The following ABCA13 variants were observed in gnomAD, a reference collection of about 807,000 sequenced individuals.
The protein encoded by ABCA13 is ATP-binding cassette sub-family A member 13.
Under a neutral mutation model 478.7 loss-of-function variants are expected in ABCA13, and 476 were observed. The observed-to-expected ratio is 0.99, with a 90% CI of 0.92 to 1.07. ABCA13 has a LOEUF of 1.07. Ranked by LOEUF, ABCA13 falls within the 50% of genes least tolerant of loss-of-function variation. The pLI is 0.00. For missense variants in ABCA13, 6,060 were observed against 5,910.6 expected, an observed-to-expected ratio of 1.03 and a Z score of -0.83; for synonymous variants, 2,252 against 2,158.9, an observed-to-expected ratio of 1.04 and a Z score of -1.20.
intron 8 of ABCA13, among the ~76,000 whole-genome samples, chr7:48,237,076 G>A (rs1220518269): frequency 3.5e-5 from 5 of 142,648 alleles, no homozygotes; most frequent in African/African-American, 8.0e-5. Context: ...GAGTTTCGCC[G>A]ATTGGTTGGG....
intron 57 of ABCA13, among the ~76,000 whole-genome samples, chr7:48,589,066 T>A (rs1789480881): frequency 6.6e-6 from 1 of 152,236 alleles, no homozygotes; most frequent in Non-Finnish European, 1.5e-5. Context: ...TATGGAAGTT[T>A]ATGAACCTAA....
rs773139209 is a variant in ABCA13 at position 48,274,964 on chromosome 7, T to A, written c.5298T>A (p.Thr1766=). The A allele has an allele frequency of 1.2e-6, 2 of 1,613,744 alleles. No individual in the cohort carries two copies. The highest frequency in any genetic ancestry group is 2.2e-5 in the South Asian group (2 of 91,084). Reference sequence around the variant, plus strand: ...AGGGAGTACCTGGTAAAAACATCACTGAAGGCCTCAAGGATGTCTACAGCT... The same window carrying A: ...AGGGAGTACCTGGTAAAAACATCACAGAAGGCCTCAAGGATGTCTACAGCT... ...LLQGVPGKNI[T]EGLKDVYSFT... The change falls in exon 17 of 62, where the codon ACT becomes ACA. Residue 1766 remains threonine (T), a synonymous_variant. Coordinates refer to ENST00000435803, the MANE Select transcript of ABCA13 (RefSeq NM_152701.5).
chr7:48,248,634 G>C (rs1406841666), intron 14 of ABCA13, among the ~76,000 whole-genome samples, 190 bp downstream of exon 14: 1 of 152,190 alleles, frequency 6.6e-6, no homozygotes, highest in African/African-American at 2.4e-5. Flanking sequence ...ATATGAAAGA[G>C]TTCCCTTAAT....
In ABCA13 at chr7:48,438,301, TTTTG is replaced by T. The variant is rs773614965; in HGVS notation, c.12565+10442_12565+10445del. ...GAATTTTTCCTACCATTTCAATGTG[TTTTG>T]TTTGTTTGTTTTTGATTGGGAGTTT... is the stretch of plus-strand genomic sequence containing the variant. On this transcript the variant is annotated intron_variant, in intron 42 of 61. Coordinates refer to ENST00000435803, the MANE Select transcript of ABCA13 (RefSeq NM_152701.5). Among the ~76,000 whole-genome samples, 540 of 152,148 alleles carry T rather than the reference TTTTG, an allele frequency of 3.5e-3. 3 individuals carry two copies. The highest frequency in any genetic ancestry group is 0.012 in the African/African-American group (485 of 41,516).
intron 41 of ABCA13, among the ~76,000 whole-genome samples, chr7:48,423,099 T>C (rs890147752): frequency 1.3e-5 from 2 of 152,190 alleles, no homozygotes; most frequent in Non-Finnish European, 2.9e-5. Context: ...TCATACAAGC[T>C]CCTGTAAAAT....
chr7:48,300,330 G>A (rs984163136), intron 23 of ABCA13, among the ~76,000 whole-genome samples: 3 of 152,240 alleles, frequency 2.0e-5, no homozygotes, highest in African/African-American at 7.2e-5. Context: ...TATTCACTTA[G>A]GAGGTTTCTG....
chr7:48,410,615 G>T lies in ABCA13; in HGVS notation c.12166G>T (p.Gly4056Cys). 1 of 1,614,032 alleles carries T rather than the reference G, an allele frequency of 6.2e-7. No individual in the cohort carries two copies. Among genetic ancestry groups the T allele is most frequent in the South Asian group, 1.1e-5 (1 of 91,090 alleles). ...VLQHGRLRCC[G>C]PPFCLKEAYG... is the part of the protein sequence containing the mutation. ...CCAGCATGGGAGGCTCAGGTGCTGCGGTCCTCCCTTCTGCCTGAAGGAGGC... is the reference window on the plus strand; with the variant it reads ...CCAGCATGGGAGGCTCAGGTGCTGCTGTCCTCCCTTCTGCCTGAAGGAGGC... The change falls in exon 40 of 62, where the codon GGT becomes TGT. Residue 4056 changes from glycine to cysteine, a missense_variant. By Grantham distance (159) the Gly-to-Cys change is radical. Transcript: ENST00000435803.
intron 48 of ABCA13, among the ~76,000 whole-genome samples, chr7:48,499,828 C>T (rs1830588614): frequency 6.6e-6 from 1 of 152,146 alleles, no homozygotes; most frequent in South Asian, 2.1e-4. Context: ...GGACCTTTTA[C>T]CAACATCATT....
Position 48,310,087 on chromosome 7 carries a change from T to C in ABCA13, c.9462T>C (p.Tyr3154=), listed in dbSNP as rs2128879861. 1 of 1,613,812 alleles carries C rather than the reference T, an allele frequency of 6.2e-7. No individual in the cohort carries two copies. Among genetic ancestry groups the C allele is most frequent in the African/African-American group, 1.3e-5 (1 of 75,050 alleles). ...GTAGCCTGCCAGGGTCAAAAGTGTA[T>C]TCTCTGATTGTGTTGCTGAGTCGAA... ...ELCSLPGSKV[Y]SLIVLLSRNL... Residue 3154 remains tyrosine (Y), a synonymous_variant, in exon 24 of 62, where the codon TAT becomes TAC. Coordinates refer to ENST00000435803, the MANE Select transcript of ABCA13 (RefSeq NM_152701.5).
At chr7:48,362,382 T>C (rs905283057) in intron 31 of ABCA13, among the ~76,000 whole-genome samples, 2 of 151,150 alleles carry the variant, frequency 1.3e-5, no homozygotes, top group African/African-American at 2.4e-5. Context: ...CTGCTTTTTT[T>C]CCCTTCTCTT....
intron 58 of ABCA13, among the ~76,000 whole-genome samples, chr7:48,611,563 G>C (rs1792027398): frequency 6.6e-6 from 1 of 152,182 alleles, no homozygotes; most frequent in Admixed American, 6.5e-5. Flanking sequence ...AAGGGGCAGT[G>C]GGCACGTCTT....
intron 48 of ABCA13, among the ~76,000 whole-genome samples, chr7:48,496,701 C>G (rs1407566772): frequency 2.0e-5 from 3 of 152,046 alleles, no homozygotes; most frequent in African/African-American, 7.2e-5. Context: ...GATATTTTCA[C>G]TGAATATAGA....
rs189445878 is a variant in ABCA13 at position 48,377,938 on chromosome 7, A to C, written c.11335+1366A>C. ...TACTCTCTGCAATGTTGAGATGAAG[A>C]TAAAATGTGTCCCGGGACCCAGAAT... On this transcript the variant is annotated intron_variant, in intron 35 of 61. Transcript: ENST00000435803. 3.6e-3 allele frequency among the ~76,000 whole-genome samples: 554 copies of C among 152,358 alleles called. 4 individuals carry two copies. The highest frequency in any genetic ancestry group is 0.012 in the African/African-American group (513 of 41,586).
At chr7:48,333,362 A>G (rs1197917175) in intron 27 of ABCA13, among the ~76,000 whole-genome samples, 1 of 152,182 alleles carries the variant, frequency 6.6e-6, no homozygotes, top group African/African-American at 2.4e-5. Flanking sequence ...GACAATTTGT[A>G]ATTGCTTGTT....
At chr7:48,458,181 A>T (rs1168053181) in intron 43 of ABCA13, among the ~76,000 whole-genome samples, 1 of 152,224 alleles carries the variant, frequency 6.6e-6, no homozygotes, top group African/African-American at 2.4e-5. Context: ...TGAGTGATAA[A>T]TGATGTGGCC....
At chr7:48,630,677 T>C (rs770288569) in intron 59 of ABCA13, among the ~76,000 whole-genome samples, 1 of 152,214 alleles carries the variant, frequency 6.6e-6, no homozygotes, top group Non-Finnish European at 1.5e-5. Context: ...TACCCAATAA[T>C]GGGATTACTA....
At chr7:48,349,066 T>A (rs1808535244) in intron 29 of ABCA13, among the ~76,000 whole-genome samples, 1 of 152,224 alleles carries the variant, frequency 6.6e-6, no homozygotes. Flanking sequence ...AAAATGAACA[T>A]GCCACTAGCA....
intron 31 of ABCA13, among the ~76,000 whole-genome samples, chr7:48,360,328 G>A (rs1236334731): frequency 6.6e-6 from 1 of 151,756 alleles, no homozygotes; most frequent in African/African-American, 2.4e-5. Context: ...TCAGAATGAT[G>A]GTTTCCAGCT....
At chr7:48,642,618 T>C (rs1325782783) in intron 59 of ABCA13, among the ~76,000 whole-genome samples, 1 of 152,118 alleles carries the variant, frequency 6.6e-6, no homozygotes, top group Non-Finnish European at 1.5e-5. Flanking sequence ...ATAATTCATA[T>C]AGTTTTTGGA....
Sources: allele counts gnomAD v4.1 joint callset (sites outside exome capture counted in the v4.1 genomes callset), GRCh38; gene constraint gnomAD v4.1.1; transcripts MANE v1.5; gene names NCBI Gene and HGNC (gene_info 2026-07-23, HGNC 2026-07-21).